Variants in DRAM1 observed in about 807,000 individuals in gnomAD.
DRAM1 encodes the protein DNA damage-regulated autophagy modulator protein 1.
DRAM1 carries 25 observed loss-of-function variants against 28.5 expected under a neutral mutation model. The observed-to-expected ratio is 0.88, with a 90% CI of 0.64 to 1.23. The LOEUF (loss-of-function observed/expected upper bound fraction) is 1.23, where lower values mean the gene tolerates loss of function less well. Ranked by LOEUF, DRAM1 falls within the 50% of genes most tolerant of loss-of-function variation. The pLI, the probability that DRAM1 is intolerant of heterozygous loss-of-function variation, is 0.00. For missense variants in DRAM1, 249 were observed against 299.2 expected, an observed-to-expected ratio of 0.83 and a Z score of 1.24; for synonymous variants, 113 against 114.2, an observed-to-expected ratio of 0.99 and a Z score of 0.07.
At chr12:101,914,926 G>A (rs1178769175) in intron 5 of DRAM1, among the ~76,000 whole-genome samples, 1 of 150,898 alleles carries the variant, frequency 6.6e-6, no homozygotes, top group African/African-American at 2.4e-5. Context: ...CCAAAGTGCT[G>A]GGATTATAGG....
chr12:101,893,046 C>T (rs777792513), intron 1 of DRAM1, among the ~76,000 whole-genome samples: 13 of 152,302 alleles, frequency 8.5e-5, no homozygotes, highest in Middle Eastern at 3.4e-3. Context: ...GTGTTATAGC[C>T]TCAGTCATCC....
intron 2 of DRAM1, among the ~76,000 whole-genome samples, chr12:101,900,197 C>T (rs754360586): frequency 6.6e-6 from 1 of 152,154 alleles, no homozygotes; most frequent in Non-Finnish European, 1.5e-5. Flanking sequence ...GAAAAACATA[C>T]CTTTACTATC....
At chr12:101,895,715 C>T (rs1032128178) in intron 1 of DRAM1, among the ~76,000 whole-genome samples, 27 of 150,934 alleles carry the variant, frequency 1.8e-4, no homozygotes, top group African/African-American at 5.6e-4. Context: ...GGATTACCGG[C>T]GTCTGCCACC....
intron 1 of DRAM1, among the ~76,000 whole-genome samples, chr12:101,884,167 A>G (rs1872793134): frequency 6.6e-6 from 1 of 152,000 alleles, no homozygotes; most frequent in African/African-American, 2.4e-5. Context: ...TGGGCTGATC[A>G]CTTGAGTCCG....
intron 1 of DRAM1, 66 bp from the exon 2 acceptor site, chr12:101,897,797 C>T (rs753822319): frequency 9.4e-5 from 108 of 1,143,492 alleles, no homozygotes; most frequent in African/African-American, 5.3e-4. Flanking sequence ...TCGCCAATTA[C>T]GTGTCTTCCC....
At position 101,921,461 on chromosome 12, in the gene DRAM1, T is replaced by C; in HGVS notation, c.*201T>C. The C allele has an allele frequency of 2.4e-6, 1 of 417,396 alleles. No homozygotes were observed. The highest frequency in any genetic ancestry group is 3.7e-5 in the East Asian group (1 of 27,358). 25.9% of individuals were successfully genotyped at this position (417,396 alleles called of 1,614,324 possible). ...GAGAATGTACAGCCTTATGACACTG[T>C]AGTGATGTTTTTATAATTTTCTAAG... On this transcript the variant is annotated 3_prime_UTR_variant, in exon 7 of 7. Transcript: ENST00000258534.
chr12:101,883,057 C>G (rs992672495), intron 1 of DRAM1, among the ~76,000 whole-genome samples: 4 of 150,864 alleles, frequency 2.7e-5, no homozygotes, highest in Non-Finnish European at 5.9e-5. Flanking sequence ...CGTCAATACA[C>G]TTATATGGAA....
intron 2 of DRAM1, among the ~76,000 whole-genome samples, chr12:101,898,958 G>A (rs1356320654): frequency 6.6e-6 from 1 of 152,208 alleles, no homozygotes; most frequent in Non-Finnish European, 1.5e-5. Context: ...GGTGATTCAA[G>A]TATATAGATA....
At chr12:101,888,452 G>A (rs1872969295) in intron 1 of DRAM1, among the ~76,000 whole-genome samples, 1 of 151,906 alleles carries the variant, frequency 6.6e-6, no homozygotes, top group South Asian at 2.1e-4. Context: ...TTTTTGAGAT[G>A]ATCATTTATA....
intron 4 of DRAM1, among the ~76,000 whole-genome samples, chr12:101,909,134 G>T (rs2121136693): frequency 6.6e-6 from 1 of 152,078 alleles, no homozygotes; most frequent in African/African-American, 2.4e-5. Flanking sequence ...AGTGGCACAT[G>T]CCTGTAATCC....
rs1447132385 is a variant in DRAM1 at position 101,907,200 on chromosome 12, A to T, written c.343-986A>T. Among the ~76,000 whole-genome samples the T allele has an allele frequency of 6.7e-4, 30 of 44,738 alleles. No individual in the cohort carries two copies. The South Asian group carries it at 1.0e-2, about 15-fold the overall frequency. 29.3% of individuals were successfully genotyped at this position (44,738 alleles called of 152,430 possible). A position where few individuals can be genotyped will look rare whatever the true frequency, so the allele number is the denominator to read the frequency against. On this transcript the variant is annotated intron_variant, in intron 3 of 6. Coordinates refer to ENST00000258534, the MANE Select transcript of DRAM1 (RefSeq NM_018370.3). ...AAGCGACGGAGTGAGACCCTGTCTC[A>T]AAAAAAAAAAAAAAAAAAGAAGAAA...
chr12:101,915,290 T>C (rs1405038872), intron 5 of DRAM1, among the ~76,000 whole-genome samples: 1 of 152,116 alleles, frequency 6.6e-6, no homozygotes, highest in Non-Finnish European at 1.5e-5. Context: ...TTAATTTCTT[T>C]CTTAAACACT....
At chr12:101,914,285 G>A in intron 5 of DRAM1, 53 bp downstream of exon 5, 1 of 1,453,398 alleles carries the variant, frequency 6.9e-7, no homozygotes, top group Non-Finnish European at 9.5e-7. Flanking sequence ...ATGTGAGCTT[G>A]TGGCCAGGCT....
chr12:101,908,391 T>C (rs1176544136), intron 4 of DRAM1, 28 bp downstream of exon 4: 2 of 1,587,640 alleles, frequency 1.3e-6, no homozygotes, highest in Non-Finnish European at 1.7e-6. Context: ...TGTGCCTTGT[T>C]AAAGGAATAA....
chr12:101,899,706 A>G (rs10778157), intron 2 of DRAM1, among the ~76,000 whole-genome samples: 49,348 of 147,728 alleles, frequency 0.33, 8,535 homozygotes, highest in East Asian at 0.39. Context: ...AAAAAGATTT[A>G]TGATAAGTTA....
intron 4 of DRAM1, among the ~76,000 whole-genome samples, chr12:101,908,775 A>C (rs1027739186): frequency 6.6e-6 from 1 of 151,920 alleles, no homozygotes; most frequent in Admixed American, 6.6e-5. Context: ...ACTGGATCTT[A>C]CAAGGAAGTG....
chr12:101,905,542 A>G (rs1418342927), intron 3 of DRAM1, among the ~76,000 whole-genome samples: 2 of 152,106 alleles, frequency 1.3e-5, no homozygotes, highest in Non-Finnish European at 2.9e-5. Flanking sequence ...TTGGCCTCCC[A>G]AAGTGATGAG....
At chr12:101,918,919 A>T (rs1042838972) in intron 5 of DRAM1, among the ~76,000 whole-genome samples, 10 of 151,574 alleles carry the variant, frequency 6.6e-5, no homozygotes, top group African/African-American at 2.2e-4. Context: ...TTTTTATTTT[A>T]TTATTATTAT....
chr12:101,923,309 C>T lies in DRAM1; in HGVS notation c.*2049C>T, dbSNP rs548257308. 1 of 152,284 alleles carries T rather than the reference C, an allele frequency of 6.6e-6. No individual in the cohort carries two copies. The highest frequency in any genetic ancestry group is 2.1e-4 in the South Asian group (1 of 4,822). 9.4% of individuals were successfully genotyped at this position (152,284 alleles called of 1,614,324 possible). A position where few individuals can be genotyped will look rare whatever the true frequency, so the allele number is the denominator to read the frequency against. ...ATGAATCCATACTTCTGCCTCACTT[C>T]GAGCAGACTTTTGTTCTCGGCGCTC... On this transcript the variant is annotated 3_prime_UTR_variant, in exon 7 of 7. Coordinates refer to ENST00000258534, the MANE Select transcript of DRAM1 (RefSeq NM_018370.3).
Sources: allele counts gnomAD v4.1 joint callset (sites outside exome capture counted in the v4.1 genomes callset), GRCh38; gene constraint gnomAD v4.1.1; transcripts MANE v1.5; gene names NCBI Gene and HGNC (gene_info 2026-07-23, HGNC 2026-07-21).